IAH1: variants seen among roughly 807,000 people sequenced by gnomAD.
IAH1 encodes the protein isoamyl acetate-hydrolyzing esterase 1 homolog.
In IAH1, 24 loss-of-function variants were observed where a neutral mutation model predicts 26.7. The ratio of observed to expected loss-of-function variants is 0.90; its 90% CI spans 0.65 to 1.26. The LOEUF (loss-of-function observed/expected upper bound fraction) is 1.26, where lower values mean the gene tolerates loss of function less well. IAH1 is among the 50% of genes most tolerant of loss of function. The pLI is 0.00. For synonymous variants in IAH1, 140 were observed against 118.5 expected (o/e 1.18, Z -1.18); for missense variants, 300 against 299.9 (o/e 1.00, Z 0.00).
chr2:9,502,315 T>C, the IAH1 span: 1 of 1,525,252 alleles, frequency 6.6e-7, no homozygotes, highest in Non-Finnish European at 9.1e-7. Flanking sequence ...GCAATTCAAA[T>C]TATGGCCCCA....
chr2:9,487,833 TGCGCGC>T (rs138868847), intron 5 of IAH1, among the ~76,000 whole-genome samples: 6,850 of 82,366 alleles, frequency 0.083, 199 homozygotes, highest in Middle Eastern at 0.13. Flanking sequence ...TGTGTGTGTG[TGCGCGC>T]GCGCGCGCGC....
chr2:9,481,112 A>G (rs894718657), intron 3 of IAH1, among the ~76,000 whole-genome samples, 174 bp from the exon 4 acceptor site: 4 of 152,222 alleles, frequency 2.6e-5, no homozygotes, highest in Non-Finnish European at 5.9e-5. Flanking sequence ...GTCTTGTTTT[A>G]TGAAGAACTA....
At chr2:9,499,110 CTTCTTTTT>C (rs1483842339), downstream of IAH1, among the ~76,000 whole-genome samples, 136 of 138,682 alleles carry the variant, frequency 9.8e-4, no homozygotes, top group Non-Finnish European at 1.3e-3. Context: ...TTTCTTTCTT[CTTCTTTTT>C]TTTTTTTTTT....
chr2:9,494,658 T>C (rs750726481), downstream of IAH1: 2 of 1,614,068 alleles, frequency 1.2e-6, no homozygotes, highest in Non-Finnish European at 1.7e-6. Context: ...AAAATCCTAC[T>C]GTACAGGGCT....
In IAH1 at chr2:9,488,562, C is replaced by G. The variant is rs569371311; in HGVS notation, c.*233C>G. 1.1e-5 allele frequency: 4 copies of G among 351,176 alleles called. No individual in the cohort carries two copies. Among genetic ancestry groups the G allele is most frequent in the Non-Finnish European group, 2.0e-5 (4 of 197,760 alleles). The allele number at this position is 351,176 out of a possible 1,614,324, so 21.8% of individuals were successfully genotyped here. A position where few individuals can be genotyped will look rare whatever the true frequency, so the allele number is the denominator to read the frequency against. Reference sequence around the variant, plus strand: ...ATATACCCTGAGCAGCTTGTTAATTCTATAAATGACAAAGACTATGTTTTT... The same window carrying G: ...ATATACCCTGAGCAGCTTGTTAATTGTATAAATGACAAAGACTATGTTTTT... On this transcript the variant is annotated 3_prime_UTR_variant, in exon 6 of 6. Coordinates refer to ENST00000497473, the MANE Select transcript of IAH1 (RefSeq NM_001039613.3).
upstream of IAH1, chr2:9,474,493 C>A: frequency 1.1e-6 from 1 of 917,086 alleles, no homozygotes; most frequent in Non-Finnish European, 1.5e-6. The surrounding 1 kb of genome is among the most constrained non-coding windows in gnomAD (Gnocchi z 4.3). Context: ...GCCCGGCTCC[C>A]GCAACCCACG....
intron 1 of IAH1, 180 bp from the exon 2 acceptor site, chr2:9,475,807 C>A: frequency 1.6e-6 from 1 of 616,496 alleles, no homozygotes; most frequent in Non-Finnish European, 2.9e-6. Context: ...GAGAAAAATC[C>A]CCCTCTGCTA....
downstream of IAH1, chr2:9,497,098 G>T: frequency 6.2e-7 from 1 of 1,612,102 alleles, no homozygotes; most frequent in South Asian, 1.1e-5. Flanking sequence ...GCTGGACTGG[G>T]AATAAAACTG....
chr2:9,487,514 G>A (rs1661585855), intron 5 of IAH1: 1 of 152,162 alleles, frequency 6.6e-6, no homozygotes, highest in Admixed American at 6.5e-5. Flanking sequence ...ATATGATTCA[G>A]AAGACCTGGA....
downstream of IAH1, chr2:9,493,014 C>CTCT: frequency 6.4e-7 from 1 of 1,557,464 alleles, no homozygotes; most frequent in Non-Finnish European, 8.8e-7. Context: ...CAGTTAATGT[C>CTCT]TTGACCAAGT....
chr2:9,481,527 C>A, intron 4 of IAH1, 80 bp downstream of exon 4: 3 of 1,395,948 alleles, frequency 2.1e-6, no homozygotes, highest in Non-Finnish European at 3.0e-6. Context: ...TGGTTTCCTG[C>A]CTGGGGCTTC....
At chr2:9,487,791 TGTGTGTG>T (rs1661627213) in intron 5 of IAH1, among the ~76,000 whole-genome samples, 2 of 52,106 alleles carry the variant, frequency 3.8e-5, no homozygotes, top group Admixed American at 2.6e-4. Flanking sequence ...GGCCTTTTTG[TGTGTGTG>T]TGTGTGTGTG....
At chr2:9,491,818 G>T (rs1298556993), downstream of IAH1, among the ~76,000 whole-genome samples, 3 of 152,216 alleles carry the variant, frequency 2.0e-5, no homozygotes, top group Non-Finnish European at 4.4e-5. Context: ...AACAAGCCAT[G>T]GCCCTCCCTC....
At chr2:9,479,795 CTTTTTTTTTTTTTTTTTTTTTTTT>C (rs5829216) in intron 3 of IAH1, among the ~76,000 whole-genome samples, 1 of 69,848 alleles carries the variant, frequency 1.4e-5, no homozygotes, top group South Asian at 6.9e-4. Context: ...CTGTGTATTG[CTTTTTTTTTTTTTTTTTTTTTTTT>C]TTTTTTTTTT....
intron 4 of IAH1, among the ~76,000 whole-genome samples, chr2:9,483,086 A>G (rs1188217197): frequency 6.6e-6 from 1 of 152,234 alleles, no homozygotes; most frequent in Admixed American, 6.5e-5. Flanking sequence ...CTTTTTGTCT[A>G]CTGTTTCCCA....
Position 9,474,586 on chromosome 2 carries a change from C to G in IAH1, c.20C>G (p.Ala7Gly). The stretch of plus-strand genomic sequence containing the variant: ...TGCTCCATGGCGCTGTGCGAGGCCG[C>G]GGGCTGCGGGAGTGCCCTGCTCTGG... Reference protein sequence around the residue: MALCEAAGCGSALLWPR... With the variant: MALCEAGGCGSALLWPR... The change falls in exon 1 of 6, where the codon GCG becomes GGG. Residue 7 changes from alanine to glycine, a missense_variant. Coordinates refer to ENST00000497473, the MANE Select transcript of IAH1 (RefSeq NM_001039613.3). The surrounding 1 kb of genome is among the most constrained non-coding windows in gnomAD (Gnocchi z 4.3). The G allele has an allele frequency of 1.3e-6, 2 of 1,531,142 alleles. No homozygotes were observed. The highest frequency in any genetic ancestry group is 1.4e-5 in the African/African-American group (1 of 69,236). The allele number at this position is 1,531,142 out of a possible 1,614,324, so 94.8% of individuals were successfully genotyped here. A position where few individuals can be genotyped will look rare whatever the true frequency, so the allele number is the denominator to read the frequency against.
chr2:9,484,049 G>A (rs1440422230), intron 4 of IAH1, among the ~76,000 whole-genome samples: 1 of 152,162 alleles, frequency 6.6e-6, no homozygotes, highest in African/African-American at 2.4e-5. Context: ...CCATGGCCTG[G>A]CATTTCCTAC....
intron 2 of IAH1, among the ~76,000 whole-genome samples, chr2:9,476,395 GT>G (rs755674787): frequency 5.3e-5 from 8 of 152,326 alleles, no homozygotes; most frequent in Admixed American, 6.5e-5. Flanking sequence ...TTTTTTTGAA[GT>G]GCTGCCATGA....
the IAH1 span, chr2:9,502,096 CA>C: frequency 7.6e-7 from 1 of 1,318,396 alleles, no homozygotes; most frequent in Non-Finnish European, 1.1e-6. Flanking sequence ...CTCATCTGAA[CA>C]AAACATAATC....
Sources: gnomAD v4.1 joint callset for allele counts (sites outside exome capture counted in the v4.1 genomes callset) on GRCh38, gnomAD v4.1.1 for gene constraint, Gnocchi (gnomAD v3.1) non-coding constraint, MANE v1.5 for transcripts, NCBI Gene and HGNC (gene_info 2026-07-23, HGNC 2026-07-21) for gene names.